SLC44A3: variants seen among roughly 807,000 people sequenced by gnomAD.
SLC44A3 encodes the protein choline transporter-like protein 3.
In SLC44A3, 74 loss-of-function variants were observed where a neutral mutation model predicts 75.4. The observed-to-expected ratio is 0.98, with a 90% CI of 0.81 to 1.19. SLC44A3 has a LOEUF of 1.19. SLC44A3 is among the 50% of genes most tolerant of loss of function. The pLI is 0.00. For synonymous variants in SLC44A3, 310 were observed against 296.9 expected (o/e 1.04, Z -0.45); for missense variants, 700 against 778.6 (o/e 0.90, Z 1.20).
At chr1:94,877,399 C>G (rs1015384806) in intron 12 of SLC44A3, among the ~76,000 whole-genome samples, 11 of 152,158 alleles carry the variant, frequency 7.2e-5, no homozygotes, top group Non-Finnish European at 1.3e-4. Flanking sequence ...CCACTCCCCA[C>G]CTGGCCCCCT....
At chr1:94,856,917 G>A (rs2101259618) in intron 9 of SLC44A3, among the ~76,000 whole-genome samples, 1 of 152,168 alleles carries the variant, frequency 6.6e-6, no homozygotes. Context: ...TTTTAGTAGA[G>A]GTGGACTTTC....
In SLC44A3 at chr1:94,839,995, C is replaced by G. The variant is rs759948644; in HGVS notation, c.718C>G (p.Leu240Val). The G allele has an allele frequency of 1.4e-5, 22 of 1,614,026 alleles. No individual in the cohort carries two copies. In the South Asian group the frequency reaches 2.4e-4, roughly 18 times the overall value. The stretch of plus-strand genomic sequence containing the variant: ...TACCTTCAGATTCATCACCACCCTT[C>G]TGGTTCACATTTTCATTTCATTGGT... ...MFTFRFITTL[L>V]VHIFISLVIL... The change falls in exon 7 of 15, where the codon CTG (leucine) becomes GTG (valine). Residue 240 changes from leucine (L) to valine (V), a missense_variant. By Grantham distance (32) the Leu-to-Val change is conservative. Coordinates refer to ENST00000271227, the MANE Select transcript of SLC44A3 (RefSeq NM_001114106.3).
At chr1:94,886,020 G>A (rs756563305) in intron 12 of SLC44A3, among the ~76,000 whole-genome samples, 2 of 152,280 alleles carry the variant, frequency 1.3e-5, no homozygotes, top group East Asian at 1.9e-4. Context: ...CAGAGTGCCT[G>A]GAGGAGTTAC....
At chr1:94,877,703 A>G (rs1668447806) in intron 12 of SLC44A3, among the ~76,000 whole-genome samples, 1 of 152,180 alleles carries the variant, frequency 6.6e-6, no homozygotes. Flanking sequence ...AGTTTTGGCA[A>G]GTGGATCCAG....
chr1:94,869,387 G>A (rs967185714), intron 12 of SLC44A3, among the ~76,000 whole-genome samples: 4 of 152,242 alleles, frequency 2.6e-5, no homozygotes, highest in Non-Finnish European at 4.4e-5. Context: ...AGCTCCTGTA[G>A]TGAGTCAGTG....
chr1:94,837,889 T>C lies in SLC44A3; in HGVS notation c.670+18T>C. The C allele has an allele frequency of 6.3e-7, 1 of 1,576,982 alleles. No individual in the cohort carries two copies. The highest frequency in any genetic ancestry group is 8.6e-7 in the Non-Finnish European group (1 of 1,163,594). On this transcript the variant is annotated intron_variant, in intron 6 of 14. Transcript: ENST00000271227. ...CGCATTAGGTAATTCTCAGTTAAGT[T>C]AATTTTAATAGTTGTTTATGGAATG...
intron 4 of SLC44A3, 80 bp from the exon 5 acceptor site, chr1:94,828,413 T>C: frequency 1.7e-6 from 2 of 1,158,808 alleles, no homozygotes; most frequent in Non-Finnish European, 2.5e-6. Flanking sequence ...CTTTCTCCTT[T>C]CTGGTTTGGT....
chr1:94,885,073 C>T (rs1028197701), intron 12 of SLC44A3, among the ~76,000 whole-genome samples: 15 of 152,030 alleles, frequency 9.9e-5, no homozygotes, highest in Non-Finnish European at 1.8e-4. Context: ...TGGTGAAACC[C>T]TGTCTCTACT....
intron 3 of SLC44A3, 122 bp from the exon 4 acceptor site, chr1:94,827,385 T>C: frequency 7.9e-7 from 1 of 1,259,014 alleles, no homozygotes; most frequent in Non-Finnish European, 1.1e-6. Context: ...GCTGAAACAA[T>C]TATGAAAGTG....
chr1:94,874,073 CAT>C (rs144124794), intron 12 of SLC44A3, among the ~76,000 whole-genome samples: 5,301 of 152,316 alleles, frequency 0.035, 100 homozygotes, highest in Non-Finnish European at 0.049. Context: ...AAGAAGCTCA[CAT>C]GTGTGTCAAT....
chr1:94,873,286 G>A (rs190864558), intron 12 of SLC44A3, among the ~76,000 whole-genome samples: 26 of 152,256 alleles, frequency 1.7e-4, no homozygotes, highest in Admixed American at 1.3e-3. Flanking sequence ...TGTGTAAAGC[G>A]TGCAGCTTAC....
At chr1:94,876,419 G>A (rs1668292204) in intron 12 of SLC44A3, among the ~76,000 whole-genome samples, 1 of 152,230 alleles carries the variant, frequency 6.6e-6, no homozygotes, top group African/African-American at 2.4e-5. Context: ...CCACCTTGAA[G>A]TCCATGCTCT....
chr1:94,891,420 C>A (rs565000357), intron 13 of SLC44A3, among the ~76,000 whole-genome samples, 153 bp downstream of exon 13: 25 of 152,266 alleles, frequency 1.6e-4, no homozygotes, highest in African/African-American at 6.0e-4. Flanking sequence ...CATGAGGTAT[C>A]CCTACTTTGC....
At chr1:94,889,650 A>G (rs2101670174) in intron 12 of SLC44A3, among the ~76,000 whole-genome samples, 1 of 152,338 alleles carries the variant, frequency 6.6e-6, no homozygotes. Flanking sequence ...ATAGTTGTTT[A>G]TAACAGCAAA....
At chr1:94,867,221 A>G in intron 11 of SLC44A3, 110 bp from the exon 12 acceptor site, 1 of 806,800 alleles carries the variant, frequency 1.2e-6, no homozygotes, top group Non-Finnish European at 1.9e-6. Flanking sequence ...CCACGCCACC[A>G]GTGTTTCCCC....
At chr1:94,826,165 A>G (rs574363745) in intron 3 of SLC44A3, among the ~76,000 whole-genome samples, 1 of 152,226 alleles carries the variant, frequency 6.6e-6, no homozygotes, top group African/African-American at 2.4e-5. Flanking sequence ...TTCCACTTAC[A>G]TGAGATATGT....
chr1:94,820,563 C>A, intron 1 of SLC44A3, 85 bp downstream of exon 1: 2 of 1,438,868 alleles, frequency 1.4e-6, no homozygotes, highest in Non-Finnish European at 1.8e-6. Flanking sequence ...CCCTGCCGGA[C>A]GCTTCCGCCT....
At chr1:94,834,124 A>G (rs1318872304) in intron 5 of SLC44A3, among the ~76,000 whole-genome samples, 2 of 152,232 alleles carry the variant, frequency 1.3e-5, no homozygotes, top group Non-Finnish European at 1.5e-5. Context: ...ATTACATACT[A>G]GAATCGATTA....
intron 8 of SLC44A3, among the ~76,000 whole-genome samples, chr1:94,844,731 G>C (rs1440611695): frequency 6.6e-6 from 1 of 152,190 alleles, no homozygotes; most frequent in African/African-American, 2.4e-5. Flanking sequence ...CAGATGATGG[G>C]TGTAGACAAG....
Sources: gnomAD v4.1 joint callset for allele counts (sites outside exome capture counted in the v4.1 genomes callset) on GRCh38, gnomAD v4.1.1 for gene constraint, MANE v1.5 for transcripts, NCBI Gene and HGNC (gene_info 2026-07-23, HGNC 2026-07-21) for gene names.